Variants in CSMD1 observed in about 807,000 individuals in gnomAD.
CSMD1 encodes CUB and sushi domain-containing protein 1.
A neutral mutation model predicts 417.5 loss-of-function variants in CSMD1; 213 were observed. That is an observed-to-expected ratio of 0.51 (90% CI 0.46 to 0.57). CSMD1 has a LOEUF of 0.57. CSMD1 is among the 20% of genes least tolerant of loss of function. The pLI is 0.00. For missense variants in CSMD1, 6,923 were observed against 4,529.7 expected, an observed-to-expected ratio of 1.53 and a Z score of -15.17; for synonymous variants, 2,862 against 1,736.8, an observed-to-expected ratio of 1.65 and a Z score of -16.11.
At chr8:3,270,875 G>T (rs1801793661) in intron 26 of CSMD1, among the ~76,000 whole-genome samples, 1 of 151,844 alleles carries the variant, frequency 6.6e-6, no homozygotes, top group South Asian at 2.1e-4. Context: ...CACAATTATG[G>T]CAGAAGGTAA....
At position 3,225,087 on chromosome 8, in the gene CSMD1, A is replaced by C. The variant is rs117534286; in HGVS notation, c.4346-1220T>G. 1.3e-4 allele frequency among the ~76,000 whole-genome samples: 20 copies of C among 152,346 alleles called. No individual in the cohort carries two copies. The East Asian group carries it at 3.9e-3, about 29-fold the overall frequency. On this transcript the variant is annotated intron_variant, in intron 27 of 69. Coordinates refer to ENST00000635120, the MANE Select transcript of CSMD1 (RefSeq NM_033225.6). ...TGTCTTAATTGCTGATTTTTCCCCT[A>C]TACAAAAAGAGACTTTGTTTTGTAA... is the stretch of plus-strand genomic sequence containing the variant.
At chr8:3,179,042 G>A (rs1821123942) in intron 37 of CSMD1, among the ~76,000 whole-genome samples, 1 of 151,390 alleles carries the variant, frequency 6.6e-6, no homozygotes, top group Non-Finnish European at 1.5e-5. Flanking sequence ...CTGCCTCCCG[G>A]GTTCACGCCA....
intron 1 of CSMD1, among the ~76,000 whole-genome samples, chr8:4,777,873 A>C (rs1796947027): frequency 6.6e-6 from 1 of 152,234 alleles, no homozygotes; most frequent in Non-Finnish European, 1.5e-5. Flanking sequence ...CTTCTGACAC[A>C]CTGAAATAAA....
chr8:4,934,879 G>A (rs1413160319), intron 1 of CSMD1, among the ~76,000 whole-genome samples: 3 of 151,938 alleles, frequency 2.0e-5, no homozygotes, highest in South Asian at 4.2e-4. Flanking sequence ...CATCAATCAT[G>A]TCTATCTGTA....
intron 1 of CSMD1, among the ~76,000 whole-genome samples, chr8:4,741,206 C>A (rs1478265): frequency 7.2e-5 from 11 of 152,006 alleles, no homozygotes; most frequent in South Asian, 6.2e-4. Flanking sequence ...ACAGAAGACC[C>A]TAGTGCCACA....
chr8:4,926,310 A>C (rs963000326), intron 1 of CSMD1, among the ~76,000 whole-genome samples: 2 of 152,190 alleles, frequency 1.3e-5, no homozygotes, highest in African/African-American at 4.8e-5. Context: ...GAAAGGAAGA[A>C]ATAAAACACC....
intron 5 of CSMD1, among the ~76,000 whole-genome samples, chr8:3,851,077 C>T (rs938906329): frequency 6.6e-6 from 1 of 152,156 alleles, no homozygotes; most frequent in African/African-American, 2.4e-5. Flanking sequence ...TATTTCAAAT[C>T]TATTTAGGTA....
chr8:3,908,128 A>G (rs1199794203), intron 5 of CSMD1, among the ~76,000 whole-genome samples: 1 of 152,188 alleles, frequency 6.6e-6, no homozygotes, highest in East Asian at 1.9e-4. Flanking sequence ...CTCTGAGAAT[A>G]ACAAATACAT....
At chr8:4,882,484 G>A (rs1481802941) in intron 1 of CSMD1, among the ~76,000 whole-genome samples, 1 of 151,742 alleles carries the variant, frequency 6.6e-6, no homozygotes. Flanking sequence ...TGTTGCTTTA[G>A]CTTCTTCCTG....
chr8:4,729,482 G>A (rs997447115), intron 1 of CSMD1, among the ~76,000 whole-genome samples: 3 of 152,188 alleles, frequency 2.0e-5, no homozygotes, highest in African/African-American at 4.8e-5. Context: ...AAGGAAAAGT[G>A]AGTCACACAA....
chr8:4,065,554 C>G (rs1799200782), intron 3 of CSMD1, among the ~76,000 whole-genome samples: 1 of 45,868 alleles, frequency 2.2e-5, no homozygotes, highest in Admixed American at 3.1e-4. Context: ...TTGATAGTAG[C>G]TAATCTTTTT....
intron 3 of CSMD1, among the ~76,000 whole-genome samples, chr8:4,227,973 A>T (rs566445346): frequency 1.1e-4 from 17 of 151,722 alleles, no homozygotes; most frequent in Non-Finnish European, 2.4e-4. Context: ...ACACCAGGAG[A>T]CACGCCCTCC....
chr8:4,218,023 G>A (rs1316951872), intron 3 of CSMD1, among the ~76,000 whole-genome samples: 1 of 152,160 alleles, frequency 6.6e-6, no homozygotes, highest in Non-Finnish European at 1.5e-5. Flanking sequence ...GAAAACCTAT[G>A]CTTTACTGAT....
chr8:4,364,324 G>T (rs1801945426), intron 3 of CSMD1, among the ~76,000 whole-genome samples: 1 of 152,050 alleles, frequency 6.6e-6, no homozygotes, highest in African/African-American at 2.4e-5. Context: ...TAAGACTAGG[G>T]CCCTTAAAAT....
intron 12 of CSMD1, among the ~76,000 whole-genome samples, chr8:3,443,902 A>G (rs1815145267): frequency 6.6e-6 from 1 of 152,332 alleles, no homozygotes. Context: ...AGATACAGCA[A>G]CTGAGAAATT....
chr8:4,010,655 A>T (rs2130432314), intron 4 of CSMD1, among the ~76,000 whole-genome samples: 1 of 151,848 alleles, frequency 6.6e-6, no homozygotes, highest in African/African-American at 2.4e-5. Flanking sequence ...TAATTTTTTG[A>T]CTCATGGGAC....
intron 3 of CSMD1, among the ~76,000 whole-genome samples, chr8:4,053,662 A>T (rs1798547981): frequency 6.6e-6 from 1 of 152,130 alleles, no homozygotes; most frequent in African/African-American, 2.4e-5. Context: ...ACATAGAAAC[A>T]TACCCCAAAA....
At chr8:4,348,412 G>A (rs968580038) in intron 3 of CSMD1, among the ~76,000 whole-genome samples, 6 of 152,010 alleles carry the variant, frequency 3.9e-5, no homozygotes, top group South Asian at 2.1e-4. Flanking sequence ...AACTGTAAGT[G>A]ATTCTGTATT....
At chr8:3,551,498 T>A (rs1798909657) in intron 10 of CSMD1, among the ~76,000 whole-genome samples, 3 of 151,774 alleles carry the variant, frequency 2.0e-5, no homozygotes, top group African/African-American at 7.3e-5. Flanking sequence ...TTGTGACTGT[T>A]TGATAAGACC....
Sources: gnomAD v4.1 joint callset for allele counts (sites outside exome capture counted in the v4.1 genomes callset) on GRCh38, gnomAD v4.1.1 for gene constraint, MANE v1.5 for transcripts, NCBI Gene and HGNC (gene_info 2026-07-23, HGNC 2026-07-21) for gene names.